Variants in SLC22A16 observed in about 807,000 individuals in gnomAD.
SLC22A16 encodes solute carrier family 22 member 16.
SLC22A16 carries 53 observed loss-of-function variants against 52.9 expected under a neutral mutation model. The observed-to-expected ratio is 1.00, with a 90% CI of 0.80 to 1.26. The LOEUF is 1.26. SLC22A16 is among the 50% of genes most tolerant of loss of function. The probability of loss-of-function intolerance (pLI) is 0.00; values close to 1 mark genes in which losing one functional copy is unlikely to be tolerated. For missense variants in SLC22A16, 726 were observed against 704.0 expected, an observed-to-expected ratio of 1.03 and a Z score of -0.35; for synonymous variants, 291 against 268.8, an observed-to-expected ratio of 1.08 and a Z score of -0.81.
chr6:110,476,577 T>TGCG lies in SLC22A16; in HGVS notation c.-6_-4dup. 2.6e-6 allele frequency: 4 copies of TGCG among 1,528,376 alleles called. No homozygotes were observed. Among genetic ancestry groups the TGCG allele is most frequent in the Non-Finnish European group, 3.5e-6 (4 of 1,140,330 alleles). 94.7% of individuals were successfully genotyped at this position (1,528,376 alleles called of 1,614,324 possible). On this transcript the variant is annotated 5_prime_UTR_variant, in exon 1 of 8. Coordinates refer to ENST00000368919, the MANE Select transcript of SLC22A16 (RefSeq NM_033125.4). ...CCCTCGAAGTGGCGGGACCCCATGGTGCGGCCGTGCACTGGGCGCCGAGTT... is the reference window on the plus strand; with the variant it reads ...CCCTCGAAGTGGCGGGACCCCATGGTGCGGCGGCCGTGCACTGGGCGCCGAGTT...
intron 1 of SLC22A16, among the ~76,000 whole-genome samples, chr6:110,474,606 T>A (rs1158743732): frequency 1.6e-4 from 25 of 152,242 alleles, no homozygotes; most frequent in Admixed American, 1.6e-3. Flanking sequence ...TAATAAGACT[T>A]TTGCATACAT....
At chr6:110,473,118 G>C (rs995311228) in intron 1 of SLC22A16, among the ~76,000 whole-genome samples, 7 of 152,098 alleles carry the variant, frequency 4.6e-5, no homozygotes, top group African/African-American at 1.7e-4. Flanking sequence ...TTAACACATG[G>C]AAAGCACTCT....
intron 7 of SLC22A16, among the ~76,000 whole-genome samples, chr6:110,430,888 T>G (rs1291067822): frequency 1.3e-5 from 2 of 152,110 alleles, no homozygotes; most frequent in African/African-American, 4.8e-5. Flanking sequence ...AGCTCTCCCT[T>G]CCCCAGGCCT....
intron 4 of SLC22A16, among the ~76,000 whole-genome samples, chr6:110,441,111 G>A (rs1774946933): frequency 6.6e-6 from 1 of 152,192 alleles, no homozygotes; most frequent in Admixed American, 6.5e-5. Flanking sequence ...TTTAAGAAAG[G>A]ACAAGACGAT....
chr6:110,458,169 G>A (rs984831095), intron 1 of SLC22A16, among the ~76,000 whole-genome samples: 36 of 151,802 alleles, frequency 2.4e-4, no homozygotes, highest in Middle Eastern at 3.4e-3. Flanking sequence ...CTCTCTCCCC[G>A]CCTCGGTTGC....
At chr6:110,438,634 C>T (rs1582534132) in intron 5 of SLC22A16, 86 bp downstream of exon 5, 2 of 1,413,418 alleles carry the variant, frequency 1.4e-6, no homozygotes, top group East Asian at 4.8e-5. Flanking sequence ...TCTGAATTGA[C>T]CTTCATACTT....
intron 7 of SLC22A16, among the ~76,000 whole-genome samples, chr6:110,428,656 C>G (rs1227530475): frequency 6.6e-6 from 1 of 152,224 alleles, no homozygotes; most frequent in Non-Finnish European, 1.5e-5. Context: ...TGGTTTATGC[C>G]TGTAATCCCA....
chr6:110,436,567 G>T (rs1043707439), intron 5 of SLC22A16, among the ~76,000 whole-genome samples: 1 of 152,078 alleles, frequency 6.6e-6, no homozygotes, highest in Non-Finnish European at 1.5e-5. Flanking sequence ...TCAAGATTAC[G>T]GAGGGCTATA....
Position 110,431,219 on chromosome 6 carries a change from C to A in SLC22A16, c.1473G>T (p.Leu491=), listed in dbSNP as rs1309472551. ...TGCTGAGGTCCACAGAGAACGGCGC[C>A]AGGATGCTGGCCAGGCGACACACCA... The part of the protein sequence containing the change: ...GSMVCRLASI[L]APFSVDLSSI... The change falls in exon 7 of 8, where the codon CTG becomes CTT. Residue 491 remains leucine, a synonymous_variant. Transcript: ENST00000368919. The A allele has an allele frequency of 6.2e-7, 1 of 1,613,618 alleles. No individual in the cohort carries two copies. Among genetic ancestry groups the A allele is most frequent in the African/African-American group, 1.3e-5 (1 of 74,922 alleles).
rs1582550971 is a variant in SLC22A16 at position 110,446,794 on chromosome 6, T to C, written c.651+79A>G. On this transcript the variant is annotated intron_variant, in intron 3 of 7. Coordinates refer to ENST00000368919, the MANE Select transcript of SLC22A16 (RefSeq NM_033125.4). ...GTCCTTGATCTCGCTCACTAGATCTTAAATGAGCAAAATGATGAGAGTTAA... is the reference window on the plus strand; with the variant it reads ...GTCCTTGATCTCGCTCACTAGATCTCAAATGAGCAAAATGATGAGAGTTAA... 5 of 1,302,822 alleles carry C rather than the reference T, an allele frequency of 3.8e-6. No homozygotes were observed. The South Asian group carries it at 6.8e-5, about 18-fold the overall frequency. The allele number at this position is 1,302,822 out of a possible 1,614,324, so 80.7% of individuals were successfully genotyped here.
intron 3 of SLC22A16, among the ~76,000 whole-genome samples, chr6:110,445,619 C>G (rs1174780429): frequency 6.6e-6 from 1 of 152,188 alleles, no homozygotes; most frequent in Non-Finnish European, 1.5e-5. Context: ...CCACATTTCA[C>G]GGATGTATTC....
chr6:110,473,121 A>G (rs1295730742), intron 1 of SLC22A16, among the ~76,000 whole-genome samples: 1 of 152,180 alleles, frequency 6.6e-6, no homozygotes, highest in Non-Finnish European at 1.5e-5. Flanking sequence ...ACACATGGAA[A>G]GCACTCTATG....
At chr6:110,434,861 C>T (rs573767767) in intron 6 of SLC22A16, among the ~76,000 whole-genome samples, 4 of 152,176 alleles carry the variant, frequency 2.6e-5, no homozygotes, top group East Asian at 1.9e-4. Context: ...ACGTGTAATC[C>T]CAGCTACTCT....
chr6:110,458,921 G>A (rs1407787832), intron 1 of SLC22A16, among the ~76,000 whole-genome samples: 1 of 152,118 alleles, frequency 6.6e-6, no homozygotes, highest in Non-Finnish European at 1.5e-5. Context: ...CCAGCTTGCA[G>A]ATAGTAGGTC....
At chr6:110,464,798 G>C (rs1211547168) in intron 1 of SLC22A16, among the ~76,000 whole-genome samples, 1 of 151,936 alleles carries the variant, frequency 6.6e-6, no homozygotes, top group Non-Finnish European at 1.5e-5. Context: ...TATGAAACCA[G>C]TATCATAATG....
chr6:110,442,009 T>G (rs755082849), intron 4 of SLC22A16, among the ~76,000 whole-genome samples: 2 of 152,216 alleles, frequency 1.3e-5, no homozygotes, highest in Non-Finnish European at 2.9e-5. Context: ...ATGTTTTAAA[T>G]TTTTGTCTTT....
At chr6:110,428,110 C>T (rs117603861) in intron 7 of SLC22A16, among the ~76,000 whole-genome samples, 4 of 152,274 alleles carry the variant, frequency 2.6e-5, no homozygotes, top group Non-Finnish European at 2.9e-5. Context: ...AGCATCAGAA[C>T]GAGTGATTTT....
chr6:110,453,331 T>C (rs1179477552), intron 2 of SLC22A16, among the ~76,000 whole-genome samples: 1 of 152,204 alleles, frequency 6.6e-6, no homozygotes, highest in African/African-American at 2.4e-5. Context: ...CTTTTAATTA[T>C]GTCTTTTGGT....
At chr6:110,436,723 T>C (rs1774746345) in intron 5 of SLC22A16, among the ~76,000 whole-genome samples, 1 of 152,236 alleles carries the variant, frequency 6.6e-6, no homozygotes, top group African/African-American at 2.4e-5. Flanking sequence ...CAGAAAATAT[T>C]TGAAAGTGGT....
Sources: allele counts gnomAD v4.1 joint callset (sites outside exome capture counted in the v4.1 genomes callset), GRCh38; gene constraint gnomAD v4.1.1; transcripts MANE v1.5; gene names NCBI Gene and HGNC (gene_info 2026-07-23, HGNC 2026-07-21).